The following ANTXR1 variants were observed in gnomAD, a reference collection of about 807,000 sequenced individuals.
ANTXR1 encodes the protein anthrax toxin receptor 1.
A neutral mutation model predicts 78.1 loss-of-function variants in ANTXR1; 19 were observed. The observed-to-expected ratio is 0.24, with a 90% CI of 0.17 to 0.36. The LOEUF (loss-of-function observed/expected upper bound fraction) is 0.36, where lower values mean the gene tolerates loss of function less well. Ranked by LOEUF, ANTXR1 falls within the 10% of genes least tolerant of loss-of-function variation. The pLI, the probability that ANTXR1 is intolerant of heterozygous loss-of-function variation, is 1.00. For synonymous variants in ANTXR1, 273 were observed against 260.5 expected (o/e 1.05, Z -0.46); for missense variants, 518 against 718.6 (o/e 0.72, Z 3.19).
chr2:69,083,174 T>C (rs34969990), intron 8 of ANTXR1, among the ~76,000 whole-genome samples: 16,355 of 152,218 alleles, frequency 0.11, 1,624 homozygotes, highest in African/African-American at 0.24. Flanking sequence ...CAGGCTTGCC[T>C]CCCAGCTACT....
intron 12 of ANTXR1, among the ~76,000 whole-genome samples, chr2:69,133,846 CAGAGGAAAGACTTG>C (rs1672830479): frequency 6.6e-6 from 1 of 152,150 alleles, no homozygotes; most frequent in Non-Finnish European, 1.5e-5. Context: ...TAGCAAAACA[CAGAGGAAAGACTTG>C]AGAGGAAAAG....
In ANTXR1 at chr2:69,246,575, C is replaced by T. The variant is rs1166315843; in HGVS notation, c.*1090C>T. The T allele has an allele frequency of 6.6e-6, 1 of 152,042 alleles. No homozygotes were observed. The highest frequency in any genetic ancestry group is 1.5e-5 in the Non-Finnish European group (1 of 68,022). 9.4% of individuals were successfully genotyped at this position (152,042 alleles called of 1,614,324 possible). ...TGACATAATAAGGATCTTTGATTAA[C>T]CCCCATAAGGCATGTGTGTGTATAC... On this transcript the variant is annotated 3_prime_UTR_variant, in exon 18 of 18. Transcript: ENST00000303714.
chr2:69,124,635 A>C lies in ANTXR1; in HGVS notation c.943A>C (p.Thr315Pro). The change falls in exon 12 of 18, where the codon ACA (threonine) becomes CCA (proline). Residue 315 changes from threonine to proline, a missense_variant. Thr to Pro is a conservative substitution (Grantham distance 38). Coordinates refer to ENST00000303714, the MANE Select transcript of ANTXR1 (RefSeq NM_032208.3). ...CTCCAGTTCTGTCATCATCACCACCACACACTGTGTAAGTCATAACCTTTC... is the reference window on the plus strand; with the variant it reads ...CTCCAGTTCTGTCATCATCACCACCCCACACTGTGTAAGTCATAACCTTTC... Reference protein sequence around the residue: ...FISSSVIITTTHCSDGSILAI... With the variant: ...FISSSVIITTPHCSDGSILAI... 2 of 1,614,078 alleles carry C rather than the reference A, an allele frequency of 1.2e-6. No homozygotes were observed. Among genetic ancestry groups the C allele is most frequent in the Non-Finnish European group, 8.5e-7 (1 of 1,179,940 alleles).
At chr2:69,136,244 C>T (rs1395718258) in intron 12 of ANTXR1, among the ~76,000 whole-genome samples, 1 of 152,174 alleles carries the variant, frequency 6.6e-6, no homozygotes, top group Non-Finnish European at 1.5e-5. Context: ...ACTGCCCACC[C>T]CCATTCACAG....
intron 12 of ANTXR1, among the ~76,000 whole-genome samples, chr2:69,127,805 A>G (rs1672590715): frequency 6.6e-6 from 1 of 152,134 alleles, no homozygotes; most frequent in Admixed American, 6.5e-5. Flanking sequence ...GGCCTAAGAA[A>G]CTGAAAGGAT....
At chr2:69,183,079 CCATAGCATCT>C (rs1194451572) in intron 16 of ANTXR1, 1 of 209,626 alleles carries the variant, frequency 4.8e-6, no homozygotes, top group African/African-American at 2.4e-5. Flanking sequence ...CTATAAATTT[CCATAGCATCT>C]CATAACTTCA....
At chr2:69,098,633 ATT>A (rs545935662) in intron 9 of ANTXR1, among the ~76,000 whole-genome samples, 260 of 152,328 alleles carry the variant, frequency 1.7e-3, no homozygotes, top group Middle Eastern at 3.4e-3. Flanking sequence ...TACTGACCTT[ATT>A]TTTTCTTTTT....
At chr2:69,166,722 C>T (rs913995082) in intron 13 of ANTXR1, among the ~76,000 whole-genome samples, 4 of 152,192 alleles carry the variant, frequency 2.6e-5, no homozygotes, top group Admixed American at 6.5e-5. Flanking sequence ...ATGAGGAAGG[C>T]GCCAAAGAGC....
intron 13 of ANTXR1, among the ~76,000 whole-genome samples, chr2:69,168,749 A>T (rs1673898359): frequency 6.6e-6 from 1 of 152,172 alleles, no homozygotes; most frequent in African/African-American, 2.4e-5. Context: ...CTCCCCAGAG[A>T]TTTCCTTAAG....
At chr2:69,076,568 G>T (rs1052951725) in intron 7 of ANTXR1, among the ~76,000 whole-genome samples, 1 of 152,060 alleles carries the variant, frequency 6.6e-6, no homozygotes, top group South Asian at 2.1e-4. Flanking sequence ...AATAGTATGT[G>T]CTCACTTCTA....
intron 12 of ANTXR1, among the ~76,000 whole-genome samples, chr2:69,131,252 T>A (rs1314460492): frequency 6.6e-6 from 1 of 152,186 alleles, no homozygotes; most frequent in Non-Finnish European, 1.5e-5. Context: ...AGGGACCTTC[T>A]CACTTATATG....
At position 69,071,736 on chromosome 2, in the gene ANTXR1, CT is replaced by C. The variant is rs1177670633; in HGVS notation, c.379-15del. On this transcript the variant is annotated splice_polypyrimidine_tract_variant and intron_variant, in intron 4 of 17. Transcript: ENST00000303714. ...AACAGTGGTTATAAGTCTAAGGGCT[CT>C]TTCATATGTTTTTCAGGCCAGTGAG... is the stretch of plus-strand genomic sequence containing the variant. The C allele has an allele frequency of 5.6e-6, 9 of 1,613,728 alleles. No individual in the cohort carries two copies. The highest frequency in any genetic ancestry group is 7.6e-6 in the Non-Finnish European group (9 of 1,179,720).
chr2:69,100,979 C>A (rs758008549), intron 9 of ANTXR1, among the ~76,000 whole-genome samples: 1 of 152,162 alleles, frequency 6.6e-6, no homozygotes, highest in African/African-American at 2.4e-5. Flanking sequence ...ACCATAGGCC[C>A]GTCACCTTAG....
intron 8 of ANTXR1, among the ~76,000 whole-genome samples, chr2:69,081,789 A>G (rs766694618): frequency 5.9e-5 from 9 of 152,232 alleles, no homozygotes; most frequent in Non-Finnish European, 1.3e-4. Flanking sequence ...AGCTAAAAAT[A>G]ATCAAAACCA....
chr2:69,177,455 A>T (rs958719820), intron 14 of ANTXR1, among the ~76,000 whole-genome samples: 2 of 152,180 alleles, frequency 1.3e-5, no homozygotes, highest in Non-Finnish European at 2.9e-5. Flanking sequence ...AGGCACACCC[A>T]GGTCTGCCTG....
At chr2:69,244,294 A>C (rs183781112) in intron 17 of ANTXR1, among the ~76,000 whole-genome samples, 1 of 152,346 alleles carries the variant, frequency 6.6e-6, no homozygotes, top group East Asian at 1.9e-4. Context: ...GGAGAAAAGC[A>C]GAATTCAGGG....
chr2:69,237,563 G>A (rs529560068), intron 17 of ANTXR1, among the ~76,000 whole-genome samples: 1 of 152,164 alleles, frequency 6.6e-6, no homozygotes, highest in African/African-American at 2.4e-5. Flanking sequence ...AGTAGCTAGG[G>A]CTAAAGGCAC....
chr2:69,073,747 G>A (rs1211312242), intron 6 of ANTXR1, among the ~76,000 whole-genome samples: 5 of 152,104 alleles, frequency 3.3e-5, no homozygotes, highest in Admixed American at 1.3e-4. Context: ...TTATACTTAC[G>A]AAATTCTTTT....
chr2:69,125,342 T>G (rs567090006), intron 12 of ANTXR1, among the ~76,000 whole-genome samples: 1 of 152,156 alleles, frequency 6.6e-6, no homozygotes, highest in African/African-American at 2.4e-5. Flanking sequence ...TTAAAAAGAT[T>G]GGTGCCCTGA....
Sources: allele counts gnomAD v4.1 joint callset (sites outside exome capture counted in the v4.1 genomes callset), GRCh38; gene constraint gnomAD v4.1.1; transcripts MANE v1.5; gene names NCBI Gene and HGNC (gene_info 2026-07-23, HGNC 2026-07-21).